C2orf49: variants seen among roughly 807,000 people sequenced by gnomAD.
C2orf49 encodes tRNA-splicing ligase complex subunit ASW.
In C2orf49, 11 loss-of-function variants were observed where a neutral mutation model predicts 20.6. The observed-to-expected ratio is 0.53, with a 90% confidence interval of 0.34 to 0.88. The LOEUF (loss-of-function observed/expected upper bound fraction) is 0.88. C2orf49 is among the 40% of genes least tolerant of loss of function. C2orf49 has a pLI of 0.02. For synonymous variants in C2orf49, 134 were observed against 108.5 expected (o/e 1.24, Z -1.46); for missense variants, 289 against 274.2 (o/e 1.05, Z -0.38).
chr2:105,364,968 T>G, the C2orf49 span, among the ~76,000 whole-genome samples: 1 of 152,178 alleles, frequency 6.6e-6, no homozygotes, highest in African/African-American at 2.4e-5. Context: ...CACAAGAGAA[T>G]GAACACCAAA....
chr2:105,340,867 G>A (rs1021852050), intron 2 of C2orf49, among the ~76,000 whole-genome samples: 3 of 152,152 alleles, frequency 2.0e-5, no homozygotes, highest in African/African-American at 7.2e-5. Context: ...TCCACTAGAA[G>A]CAGTGAGAGA....
the C2orf49 span, chr2:105,375,287 T>TGA: frequency 6.6e-6 from 1 of 152,230 alleles, no homozygotes; most frequent in Non-Finnish European, 1.5e-5. Context: ...ATGTGAACGC[T>TGA]GAGACACTTT....
Position 105,345,585 on chromosome 2 carries a change from G to GA in C2orf49, c.*216dup. Reference sequence around the variant, plus strand: ...TGCCTGTCTTGCCCTGATTAGGAAAGAATATCTTTTTAAACCAATGGCTTA... The same window carrying GA: ...TGCCTGTCTTGCCCTGATTAGGAAAGAAATATCTTTTTAAACCAATGGCTTA... On this transcript the variant is annotated 3_prime_UTR_variant, in exon 4 of 4. Coordinates refer to ENST00000258457, the MANE Select transcript of C2orf49 (RefSeq NM_024093.3). The GA allele has an allele frequency of 1.7e-6, 1 of 572,730 alleles. No individual in the cohort carries two copies. Among genetic ancestry groups the GA allele is most frequent in the Non-Finnish European group, 3.1e-6 (1 of 322,074 alleles). The allele number at this position is 572,730 out of a possible 1,614,324, so 35.5% of individuals were successfully genotyped here.
chr2:105,375,399 G>T, the C2orf49 span: 1 of 152,184 alleles, frequency 6.6e-6, no homozygotes, highest in South Asian at 2.1e-4. Context: ...TATTGCTGAC[G>T]CAAGACGATA....
At chr2:105,350,893 A>T (rs187410379), downstream of C2orf49, among the ~76,000 whole-genome samples, 1 of 152,144 alleles carries the variant, frequency 6.6e-6, no homozygotes, top group African/African-American at 2.4e-5. Flanking sequence ...TAAAGTTCTT[A>T]ATTTTTTTCG....
the C2orf49 span, among the ~76,000 whole-genome samples, chr2:105,365,468 G>T: frequency 6.6e-6 from 1 of 152,156 alleles, no homozygotes; most frequent in Admixed American, 6.5e-5. Context: ...AGCACACATT[G>T]GAAAGATGAC....
chr2:105,382,523 A>G, the C2orf49 span, among the ~76,000 whole-genome samples: 7 of 152,218 alleles, frequency 4.6e-5, no homozygotes, highest in Non-Finnish European at 1.0e-4. Flanking sequence ...ATGGAATGAA[A>G]AAAGTTCCTA....
chr2:105,338,896 T>C (rs1329944807), intron 1 of C2orf49, among the ~76,000 whole-genome samples: 1 of 152,246 alleles, frequency 6.6e-6, no homozygotes, highest in Non-Finnish European at 1.5e-5. Flanking sequence ...CCTGTGCTTA[T>C]GCTATGTTTT....
the C2orf49 span, chr2:105,363,329 T>C: frequency 6.2e-7 from 1 of 1,614,142 alleles, no homozygotes; most frequent in Non-Finnish European, 8.5e-7. Context: ...GGCATACAAG[T>C]CACAGAAGCA....
At chr2:105,337,721 G>GTC in intron 1 of C2orf49, 35 bp downstream of exon 1, 3 of 26,800 alleles carry the variant, frequency 1.1e-4, no homozygotes, top group South Asian at 3.2e-3. Flanking sequence ...GGGCGGGTGG[G>GTC]CCTTCCCAGG....
At chr2:105,366,540 G>T in the C2orf49 span, among the ~76,000 whole-genome samples, 6 of 152,288 alleles carry the variant, frequency 3.9e-5, no homozygotes, top group African/African-American at 1.4e-4. Context: ...GGACAGAGAC[G>T]CTGGAAGCTA....
chr2:105,344,167 T>C lies in C2orf49; in HGVS notation c.642+944T>C, dbSNP rs958170535. Among the ~76,000 whole-genome samples the C allele has an allele frequency of 3.3e-5, 5 of 152,268 alleles. No homozygotes were observed. The East Asian group carries it at 9.7e-4, about 29-fold the overall frequency. The stretch of plus-strand genomic sequence containing the variant: ...GAAACTTAGTAAATTTAAATAAGTT[T>C]GTCCAGAATTCCAGAGTTATTAGTA... On this transcript the variant is annotated intron_variant, in intron 3 of 3. Transcript: ENST00000258457.
At chr2:105,377,847 T>C in the C2orf49 span, 6 of 354,404 alleles carry the variant, frequency 1.7e-5, no homozygotes, top group Non-Finnish European at 2.2e-5. Flanking sequence ...GAGGAGATCC[T>C]TGGCCTCTCT....
the C2orf49 span, among the ~76,000 whole-genome samples, chr2:105,382,523 A>T: frequency 6.6e-6 from 1 of 152,218 alleles, no homozygotes; most frequent in Admixed American, 6.5e-5. Flanking sequence ...ATGGAATGAA[A>T]AAAGTTCCTA....
At chr2:105,341,448 G>A (rs1679667320) in intron 2 of C2orf49, among the ~76,000 whole-genome samples, 1 of 152,192 alleles carries the variant, frequency 6.6e-6, no homozygotes, top group African/African-American at 2.4e-5. Context: ...ATCCTGAGAA[G>A]TGCTGTAACA....
the C2orf49 span, among the ~76,000 whole-genome samples, chr2:105,371,322 G>C: frequency 6.6e-6 from 1 of 152,188 alleles, no homozygotes; most frequent in Non-Finnish European, 1.5e-5. Flanking sequence ...CTAATCGGTA[G>C]TGGGCCTTAG....
At chr2:105,367,805 T>C in the C2orf49 span, 3,012 of 1,518,386 alleles carry the variant, frequency 2.0e-3, 43 homozygotes, top group African/African-American at 0.037. Flanking sequence ...CCCAGCAATC[T>C]GCCTTCAGAG....
the C2orf49 span, chr2:105,363,163 T>G: frequency 3.4e-6 from 3 of 874,596 alleles, no homozygotes; most frequent in Non-Finnish European, 5.3e-6. Flanking sequence ...AAAAGTCTGC[T>G]GTGTTCAGAG....
chr2:105,371,916 T>G, the C2orf49 span, among the ~76,000 whole-genome samples: 1 of 152,082 alleles, frequency 6.6e-6, no homozygotes, highest in African/African-American at 2.4e-5. Context: ...CAATTCTCAT[T>G]TGCACTGTCG....
Sources: allele counts gnomAD v4.1 joint callset (sites outside exome capture counted in the v4.1 genomes callset), GRCh38; gene constraint gnomAD v4.1.1; transcripts MANE v1.5; gene names NCBI Gene and HGNC (gene_info 2026-07-23, HGNC 2026-07-21).